GCH1: variants seen among roughly 807,000 people sequenced by gnomAD.
GCH1 encodes GTP cyclohydrolase 1, also known as GTP cyclohydrolase I.
A neutral mutation model predicts 25.9 loss-of-function variants in GCH1; 5 were observed. The observed-to-expected ratio is 0.19, with a 90% CI of 0.10 to 0.41. GCH1 has a LOEUF of 0.41. Among genes scored for constraint, GCH1 ranks in the 10% least tolerant of loss-of-function variants. GCH1 has a pLI of 1.00. For missense variants in GCH1, 261 were observed against 336.5 expected (o/e 0.78, Z 1.75); for synonymous variants, 159 against 129.6 (o/e 1.23, Z -1.54).
At chr14:54,855,813 C>T (rs2039802554) in intron 3 of GCH1, among the ~76,000 whole-genome samples, 1 of 151,788 alleles carries the variant, frequency 6.6e-6, no homozygotes, top group African/African-American at 2.4e-5. Context: ...GACTCCATCT[C>T]AAAAAAACAC....
chr14:54,892,667 C>A (rs550107138), intron 1 of GCH1, among the ~76,000 whole-genome samples: 1 of 150,244 alleles, frequency 6.7e-6, no homozygotes, highest in African/African-American at 2.5e-5. Context: ...CCAGCCTGGG[C>A]GGAAGAGCAA....
intron 1 of GCH1, among the ~76,000 whole-genome samples, chr14:54,879,708 A>C (rs1215832748): frequency 1.3e-5 from 2 of 152,114 alleles, no homozygotes; most frequent in Admixed American, 1.3e-4. Flanking sequence ...AAGTATAAAA[A>C]TAGACATGAG....
chr14:54,888,409 A>G (rs1433704945), intron 1 of GCH1, among the ~76,000 whole-genome samples: 1 of 152,156 alleles, frequency 6.6e-6, no homozygotes. Flanking sequence ...CAGACCCAGA[A>G]TAGTCAAGTG....
intron 3 of GCH1, among the ~76,000 whole-genome samples, chr14:54,857,532 A>G (rs1285871427): frequency 6.6e-6 from 1 of 152,146 alleles, no homozygotes; most frequent in East Asian, 1.9e-4. Context: ...TATAGGCATC[A>G]GCAGTGCTGG....
intron 1 of GCH1, among the ~76,000 whole-genome samples, chr14:54,888,283 C>T (rs769860559): frequency 6.6e-6 from 1 of 152,156 alleles, no homozygotes; most frequent in South Asian, 2.1e-4. Flanking sequence ...AGGGCCTTGC[C>T]TGTCAGCTGC....
Position 54,902,335 on chromosome 14 carries a change from T to A in GCH1, c.329A>T (p.Gln110Leu), listed in dbSNP as rs777349671. 6.8e-6 allele frequency: 11 copies of A among 1,612,586 alleles called. No homozygotes were observed. The highest frequency in any genetic ancestry group is 9.3e-6 in the Non-Finnish European group (11 of 1,179,750). ...GGCGCACTGACCTGAGATGGTCTCC[T>A]GGTAGCCCTTGGTGAAGAACTGCAT... ...SAMQFFTKGYQETISDVLNDA... is the reference protein window; with the variant it reads ...SAMQFFTKGYLETISDVLNDA... Residue 110 changes from glutamine (Q) to leucine (L), a missense_variant, in exon 1 of 6, where the codon CAG becomes CTG. Physicochemically the swap from Gln to Leu is moderately radical, Grantham distance 113. Transcript: ENST00000491895.
At chr14:54,855,198 T>A (rs1036302166) in intron 3 of GCH1, among the ~76,000 whole-genome samples, 2 of 152,160 alleles carry the variant, frequency 1.3e-5, no homozygotes, top group African/African-American at 4.8e-5. Context: ...CTTCAAGGTA[T>A]TTTAAATTTT....
At chr14:54,857,528 C>T (rs747957116) in intron 3 of GCH1, among the ~76,000 whole-genome samples, 11 of 152,132 alleles carry the variant, frequency 7.2e-5, no homozygotes, top group Non-Finnish European at 1.3e-4. Context: ...CTGTTATAGG[C>T]ATCAGCAGTG....
intron 1 of GCH1, among the ~76,000 whole-genome samples, chr14:54,878,723 C>T (rs942113869): frequency 3.3e-5 from 5 of 152,286 alleles, no homozygotes; most frequent in Admixed American, 3.3e-4. Context: ...CATAGATCTT[C>T]TGTGTTTATT....
chr14:54,899,113 T>C (rs1188156108), intron 1 of GCH1, among the ~76,000 whole-genome samples: 6 of 152,266 alleles, frequency 3.9e-5, no homozygotes, highest in African/African-American at 9.6e-5. Flanking sequence ...TGGTCCATCA[T>C]TGAAGGAAAC....
At chr14:54,844,287 G>T (rs2039608023) in intron 5 of GCH1, 144 bp from the exon 6 acceptor site, 11 of 744,848 alleles carry the variant, frequency 1.5e-5, no homozygotes, top group South Asian at 1.4e-4. Flanking sequence ...TATCTATTAG[G>T]TTCATGCAAA....
chr14:54,885,349 T>TG, intron 1 of GCH1: 2 of 263,084 alleles, frequency 7.6e-6, no homozygotes, highest in Non-Finnish European at 7.8e-6. Context: ...CACATTGCTC[T>TG]GGGGGGCTGT....
chr14:54,896,427 A>G (rs1054240620), intron 1 of GCH1, among the ~76,000 whole-genome samples: 4 of 152,062 alleles, frequency 2.6e-5, no homozygotes, highest in African/African-American at 9.7e-5. Flanking sequence ...TAAGTTCAGC[A>G]TCATCCTTGT....
At chr14:54,880,566 CTCCATATATATAT>C (rs2040239594) in intron 1 of GCH1, among the ~76,000 whole-genome samples, 3 of 51,402 alleles carry the variant, frequency 5.8e-5, no homozygotes, top group African/African-American at 3.6e-4. Context: ...TATATATATA[CTCCATATATATAT>C]ACTCCATATA....
intron 3 of GCH1, among the ~76,000 whole-genome samples, chr14:54,854,530 A>AG (rs2039780316): frequency 6.6e-6 from 1 of 152,200 alleles, no homozygotes; most frequent in African/African-American, 2.4e-5. Context: ...CAAAAAAAAA[A>AG]GAAGTTTGTG....
At chr14:54,896,678 C>T (rs550812142) in intron 1 of GCH1, among the ~76,000 whole-genome samples, 3 of 151,458 alleles carry the variant, frequency 2.0e-5, no homozygotes, top group East Asian at 2.0e-4. Context: ...TTTGGGAGGC[C>T]GAGGCGGGCG....
chr14:54,880,322 G>A (rs2040227834), intron 1 of GCH1, among the ~76,000 whole-genome samples: 1 of 145,440 alleles, frequency 6.9e-6, no homozygotes, highest in Non-Finnish European at 1.5e-5. Context: ...TGTTCATACA[G>A]TCTTGTATAT....
chr14:54,870,609 C>T (rs1019301678), intron 1 of GCH1, among the ~76,000 whole-genome samples: 3 of 152,152 alleles, frequency 2.0e-5, no homozygotes, highest in African/African-American at 7.2e-5. Context: ...TCAAAGAAAG[C>T]GGTGACAGAT....
At chr14:54,891,048 A>G (rs1469951747) in intron 1 of GCH1, among the ~76,000 whole-genome samples, 1 of 152,216 alleles carries the variant, frequency 6.6e-6, no homozygotes, top group Non-Finnish European at 1.5e-5. Context: ...TTGGTCAAAC[A>G]TGGTCTGAAA....
Sources: allele counts gnomAD v4.1 joint callset (sites outside exome capture counted in the v4.1 genomes callset), GRCh38; gene constraint gnomAD v4.1.1; transcripts MANE v1.5; gene names NCBI Gene and HGNC (gene_info 2026-07-23, HGNC 2026-07-21).